UBE3B: variants seen among roughly 807,000 people sequenced by gnomAD.
The protein encoded by UBE3B is ubiquitin-protein ligase E3B.
Under a neutral mutation model 132.3 loss-of-function variants are expected in UBE3B, and 80 were observed. The ratio of observed to expected loss-of-function variants is 0.60; its 90% CI spans 0.50 to 0.73. UBE3B has a LOEUF of 0.73. UBE3B is among the 30% of genes least tolerant of loss of function. The probability of loss-of-function intolerance (pLI) is 0.00; values close to 1 mark genes in which losing one functional copy is unlikely to be tolerated. For missense variants in UBE3B, 1,196 were observed against 1,362.5 expected, an observed-to-expected ratio of 0.88 and a Z score of 1.92; for synonymous variants, 487 against 520.4, an observed-to-expected ratio of 0.94 and a Z score of 0.87.
intron 1 of UBE3B, among the ~76,000 whole-genome samples, chr12:109,479,716 A>G (rs1167095899): frequency 6.6e-6 from 1 of 152,226 alleles, no homozygotes; most frequent in Non-Finnish European, 1.5e-5. Flanking sequence ...ATTATATGAT[A>G]TGAACAGAAA....
At position 109,521,084 on chromosome 12, in the gene UBE3B, G is replaced by A. The variant is rs1462286119; in HGVS notation, c.2077-64G>A. 1.3e-6 allele frequency: 2 copies of A among 1,578,790 alleles called. No homozygotes were observed. Among genetic ancestry groups the A allele is most frequent in the East Asian group, 4.5e-5 (2 of 44,312 alleles). On this transcript the variant is annotated intron_variant, in intron 19 of 27. Transcript: ENST00000342494. This position sits in a 1 kb window ranked among gnomAD's most constrained non-coding sequence, Gnocchi z 4.2. ...GGGAGAGCTTCGCACAGAGGAGAGG[G>A]AACCCCGAATTGTGTGCATAAGGCT...
chr12:109,485,934 C>T (rs760671236), intron 4 of UBE3B, 78 bp from the exon 5 acceptor site: 6 of 1,514,838 alleles, frequency 4.0e-6, no homozygotes, highest in African/African-American at 2.8e-5. Flanking sequence ...GCCAGGTACC[C>T]GCTGAAGGCT....
intron 26 of UBE3B, among the ~76,000 whole-genome samples, chr12:109,532,373 T>A (rs1592976405): frequency 1.3e-5 from 2 of 152,204 alleles, no homozygotes; most frequent in East Asian, 3.8e-4. Context: ...TAGGAATAGA[T>A]CTTGTTAATA....
chr12:109,530,002 A>G lies in UBE3B; in HGVS notation c.2740A>G (p.Met914Val). The G allele has an allele frequency of 2.5e-6, 4 of 1,613,770 alleles. 1 individual carries two copies. The South Asian group carries it at 3.3e-5, about 13-fold the overall frequency. ...CATTATCAAACCCGAGTGGATCCGAATGTTCTCAACTCCTGAACTGCAGCG... is the reference window on the plus strand; with the variant it reads ...CATTATCAAACCCGAGTGGATCCGAGTGTTCTCAACTCCTGAACTGCAGCG... ...RSIIKPEWIR[M>V]FSTPELQRLI... Residue 914 changes from methionine (M) to valine (V), a missense_variant, in exon 25 of 28, where the codon ATG (methionine) becomes GTG (valine). Physicochemically the swap from Met to Val is conservative, Grantham distance 21 (BLOSUM62 1). Coordinates refer to ENST00000342494, the MANE Select transcript of UBE3B (RefSeq NM_130466.4).
At chr12:109,504,652 G>A (rs1372871844) in intron 14 of UBE3B, among the ~76,000 whole-genome samples, 1 of 152,216 alleles carries the variant, frequency 6.6e-6, no homozygotes, top group East Asian at 1.9e-4. Flanking sequence ...GAGGGATGGA[G>A]TGTAAAGCCA....
chr12:109,526,714 T>TA (rs1287500129), intron 24 of UBE3B, among the ~76,000 whole-genome samples: 2 of 151,564 alleles, frequency 1.3e-5, no homozygotes, highest in African/African-American at 4.9e-5. Context: ...CTACTGAAAA[T>TA]ACAAAAATTA....
chr12:109,512,474 G>A (rs1411850230), intron 18 of UBE3B, among the ~76,000 whole-genome samples: 1 of 152,136 alleles, frequency 6.6e-6, no homozygotes, highest in Non-Finnish European at 1.5e-5. Flanking sequence ...CTGGTGAGTG[G>A]CAGGCACTCT....
rs371072652 is a variant in UBE3B, at chr12:109,511,214, C to T, written c.1867C>T (p.Pro623Ser). The change falls in exon 18 of 28, where the codon CCT becomes TCT. Residue 623 changes from proline to serine, a missense_variant. Pro to Ser is a moderately conservative substitution (Grantham distance 74). Transcript: ENST00000342494. ...EDHWLRKDLK[P>S]SVLFQELDRD... ...GTCTTTCTTCTCAAGGGATCTCAAACCTAGCGTGCTCTTCCAAGAACTCGA... is the reference window on the plus strand; with the variant it reads ...GTCTTTCTTCTCAAGGGATCTCAAATCTAGCGTGCTCTTCCAAGAACTCGA... 8 of 1,614,074 alleles carry T rather than the reference C, an allele frequency of 5.0e-6. No individual in the cohort carries two copies. The highest frequency in any genetic ancestry group is 5.9e-6 in the Non-Finnish European group (7 of 1,179,976).
the UBE3B span, among the ~76,000 whole-genome samples, chr12:109,542,859 G>A: frequency 2.0e-3 from 312 of 152,296 alleles, 6 homozygotes; most frequent in East Asian, 0.049. Context: ...TTAAGTCCCC[G>A]AGTTTATGGT....
Position 109,522,601 on chromosome 12 carries a change from CAGAA to C in UBE3B, c.2364+1054_2364+1057del, listed in dbSNP as rs1881845155. On this transcript the variant is annotated intron_variant, in intron 21 of 27. Transcript: ENST00000342494. This position sits in a 1 kb window ranked among gnomAD's most constrained non-coding sequence, Gnocchi z 4.2. ...CTGGAGAAGCCAGATGCTTTCCAAA[CAGAA>C]AGAGCCAGCAGCTGGGCCAAGCTGA... Among the ~76,000 whole-genome samples the C allele has an allele frequency of 1.3e-5, 2 of 152,202 alleles. No homozygotes were observed. Among genetic ancestry groups the C allele is most frequent in the African/African-American group, 4.8e-5 (2 of 41,448 alleles).
chr12:109,480,502 C>G (rs978072215), intron 1 of UBE3B, among the ~76,000 whole-genome samples: 3 of 152,062 alleles, frequency 2.0e-5, no homozygotes, highest in African/African-American at 7.2e-5. Context: ...AATTTAAAAA[C>G]TAGCCAGATG....
rs1881694113 is a variant in UBE3B at position 109,521,404 on chromosome 12, C to CT, written c.2254-35dup. ...AGCTGGGCTTGCTCCTTGCAAGGCACTTGACCTCTGCCTCTCCCCGTCTTT... is the reference window on the plus strand; with the variant it reads ...AGCTGGGCTTGCTCCTTGCAAGGCACTTTGACCTCTGCCTCTCCCCGTCTTT... On this transcript the variant is annotated intron_variant, in intron 20 of 27. Transcript: ENST00000342494. The surrounding 1 kb of genome is among the most constrained non-coding windows in gnomAD (Gnocchi z 4.2). 1.9e-6 allele frequency: 3 copies of CT among 1,589,568 alleles called. No individual in the cohort carries two copies. Among genetic ancestry groups the CT allele is most frequent in the South Asian group, 1.1e-5 (1 of 88,854 alleles).
At chr12:109,494,563 T>C (rs1053132435) in intron 9 of UBE3B, among the ~76,000 whole-genome samples, 4 of 152,210 alleles carry the variant, frequency 2.6e-5, no homozygotes, top group African/African-American at 9.6e-5. Context: ...CCCCCCACCA[T>C]GTCTGGCCCT....
Position 109,524,424 on chromosome 12 carries a change from C to T in UBE3B, c.2503-14C>T. The stretch of plus-strand genomic sequence containing the variant: ...TCCATGGCCCTAACACTTTCCCCTT[C>T]TCTGTTACATTAGCGCTATGATGGG... On this transcript the variant is annotated splice_polypyrimidine_tract_variant and intron_variant, in intron 22 of 27. Coordinates refer to ENST00000342494, the MANE Select transcript of UBE3B (RefSeq NM_130466.4). 1.2e-6 allele frequency: 2 copies of T among 1,614,200 alleles called. No homozygotes were observed. Among genetic ancestry groups the T allele is most frequent in the South Asian group, 1.1e-5 (1 of 91,090 alleles).
chr12:109,493,756 C>T (rs1877796962), intron 9 of UBE3B, among the ~76,000 whole-genome samples: 1 of 152,222 alleles, frequency 6.6e-6, no homozygotes, highest in African/African-American at 2.4e-5. Context: ...AGCTAACATT[C>T]ATGGGCCACA....
chr12:109,543,351 C>T, the UBE3B span, among the ~76,000 whole-genome samples: 1 of 144,634 alleles, frequency 6.9e-6, no homozygotes, highest in Non-Finnish European at 1.5e-5. Context: ...CAGACAGGCT[C>T]CAGGGGAGTG....
intron 19 of UBE3B, among the ~76,000 whole-genome samples, chr12:109,519,010 T>C (rs1296644692): frequency 6.6e-6 from 1 of 152,208 alleles, no homozygotes; most frequent in Non-Finnish European, 1.5e-5. Context: ...ATGGTTAGTA[T>C]TGAGGGCTAT....
At chr12:109,490,508 C>G (rs778266028) in intron 8 of UBE3B, 43 of 1,535,866 alleles carry the variant, frequency 2.8e-5, no homozygotes, top group Non-Finnish European at 3.7e-5. Flanking sequence ...TGGGCTGTTT[C>G]CTGATTTGGT....
the UBE3B span, among the ~76,000 whole-genome samples, chr12:109,542,687 C>A: frequency 6.6e-6 from 1 of 152,136 alleles, no homozygotes; most frequent in Admixed American, 6.5e-5. Flanking sequence ...AAGTGGGGAA[C>A]CTTCAGGCCA....
Sources: allele counts gnomAD v4.1 joint callset (sites outside exome capture counted in the v4.1 genomes callset), GRCh38; gene constraint gnomAD v4.1.1; non-coding constraint Gnocchi (gnomAD v3.1); transcripts MANE v1.5; gene names NCBI Gene and HGNC (gene_info 2026-07-23, HGNC 2026-07-21).